Variants in NEURL3 observed in about 807,000 individuals in gnomAD.
NEURL3 encodes the protein neuralized E3 ubiquitin protein ligase 3.
NEURL3 carries 19 observed loss-of-function variants against 17.6 expected under a neutral mutation model. The observed-to-expected ratio is 1.08, with a 90% CI of 0.75 to 1.58. The LOEUF (loss-of-function observed/expected upper bound fraction) is 1.58. NEURL3 is among the 40% of genes most tolerant of loss of function. The probability of loss-of-function intolerance (pLI) is 0.00; values close to 1 mark genes in which losing one functional copy is unlikely to be tolerated. For synonymous variants in NEURL3, 180 were observed against 161.4 expected, an observed-to-expected ratio of 1.11 and a Z score of -0.87; for missense variants, 342 against 379.6, an observed-to-expected ratio of 0.90 and a Z score of 0.82.
upstream of NEURL3, among the ~76,000 whole-genome samples, chr2:96,507,455 C>T (rs900190858): frequency 5.3e-5 from 8 of 152,052 alleles, no homozygotes; most frequent in African/African-American, 1.9e-4. Context: ...AGAATGCTAC[C>T]GTTTTTGTTG....
rs1184689437 is a variant in NEURL3 at position 96,500,644 on chromosome 2, C to G, written c.309G>C (p.Glu103Asp). 2.4e-5 allele frequency: 36 copies of G among 1,519,198 alleles called. No individual in the cohort carries two copies. The highest frequency in any genetic ancestry group is 3.1e-5 in the Non-Finnish European group (35 of 1,140,320). 94.1% of individuals were successfully genotyped at this position (1,519,198 alleles called of 1,614,324 possible). ...LPPFLCPDLE[E>D]QSPTWAAVLP... is the part of the protein sequence containing the mutation. ...GCACGGCCGCCCACGTCGGGCTCTG[C>G]TCCTCCAGGTCGGGGCACAGGAAGG... The change falls in exon 2 of 4, where the codon GAG (glutamate) becomes GAC (aspartate). Residue 103 changes from glutamate (E) to aspartate (D), a missense_variant. By Grantham distance (45) the Glu-to-Asp change is conservative. Coordinates refer to ENST00000451794, the MANE Select transcript of NEURL3 (RefSeq NM_001285485.2).
In NEURL3 at chr2:96,497,880, T is replaced by G. The variant is rs1408577289; in HGVS notation, c.*364A>C. The G allele has an allele frequency of 5.0e-6, 1 of 200,148 alleles. No individual in the cohort carries two copies. The highest frequency in any genetic ancestry group is 1.0e-5 in the Non-Finnish European group (1 of 99,364). 12.4% of individuals were successfully genotyped at this position (200,148 alleles called of 1,614,324 possible). A position where few individuals can be genotyped will look rare whatever the true frequency, so the allele number is the denominator to read the frequency against. ...TTATACATTCCTTGCAGATACCTCC[T>G]GCTTCAAGTCCAGGTTCTTCAATAC... is the stretch of plus-strand genomic sequence containing the variant. On this transcript the variant is annotated 3_prime_UTR_variant, in exon 4 of 4. Transcript: ENST00000451794.
At chr2:96,504,850 C>G (rs2065546046) in intron 1 of NEURL3, 1 of 146,120 alleles carries the variant, frequency 6.8e-6, no homozygotes, top group South Asian at 1.6e-4. Flanking sequence ...TGCACTCCAG[C>G]CTGGGCAACA....
chr2:96,503,367 GTGCCGAGGGGACGTGGTGGC>G (rs1246630310), intron 1 of NEURL3, among the ~76,000 whole-genome samples: 2 of 152,154 alleles, frequency 1.3e-5, no homozygotes, highest in Non-Finnish European at 2.9e-5. Flanking sequence ...GGGCTGGTGG[GTGCCGAGGGGACGTGGTGGC>G]TGCACAGGTC....
At chr2:96,500,379 G>C (rs1169328599) in intron 2 of NEURL3, 60 bp downstream of exon 2, 1 of 1,586,282 alleles carries the variant, frequency 6.3e-7, no homozygotes, top group Non-Finnish European at 8.5e-7. Context: ...GATCGGTGTG[G>C]GGTGCCACTG....
At chr2:96,507,537 T>C (rs1300962931), upstream of NEURL3, among the ~76,000 whole-genome samples, 1 of 152,192 alleles carries the variant, frequency 6.6e-6, no homozygotes, top group Non-Finnish European at 1.5e-5. Context: ...CGATCTCGGC[T>C]CACTGCAACC....
rs927620065 is a variant in NEURL3, at chr2:96,500,722, G to T, written c.231C>A (p.Arg77=). 13 of 1,516,242 alleles carry T rather than the reference G, an allele frequency of 8.6e-6. No individual in the cohort carries two copies. The highest frequency in any genetic ancestry group is 1.1e-5 in the Non-Finnish European group (13 of 1,138,476). 93.9% of individuals were successfully genotyped at this position (1,516,242 alleles called of 1,614,324 possible). A position where few individuals can be genotyped will look rare whatever the true frequency, so the allele number is the denominator to read the frequency against. ...CGGGGTCCAGGCGCGTGAAGCCCACGCGGAGGCCGCCGCACCAGCCGCTCT... is the reference window on the plus strand; with the variant it reads ...CGGGGTCCAGGCGCGTGAAGCCCACTCGGAGGCCGCCGCACCAGCCGCTCT... ...REESGWCGGL[R]VGFTRLDPAC... Residue 77 remains arginine (R), a synonymous_variant, in exon 2 of 4, where the codon CGC becomes CGA. Coordinates refer to ENST00000451794, the MANE Select transcript of NEURL3 (RefSeq NM_001285485.2).
At chr2:96,500,329 G>A in intron 2 of NEURL3, 110 bp downstream of exon 2, 1 of 1,470,718 alleles carries the variant, frequency 6.8e-7, no homozygotes, top group Non-Finnish European at 9.2e-7. Context: ...GGCAGGGGCT[G>A]ATGGAATAAC....
chr2:96,506,495 C>T (rs2065561774), upstream of NEURL3, among the ~76,000 whole-genome samples: 1 of 152,250 alleles, frequency 6.6e-6, no homozygotes, highest in Non-Finnish European at 1.5e-5. Context: ...TGAGCCACCG[C>T]ACCTGGCCAA....
upstream of NEURL3, among the ~76,000 whole-genome samples, chr2:96,505,584 A>G (rs1395035436): frequency 2.6e-5 from 4 of 152,126 alleles, no homozygotes; most frequent in Non-Finnish European, 4.4e-5. Flanking sequence ...CTTCTGACCA[A>G]TCTCAAGCTG....
At position 96,498,501 on chromosome 2, in the gene NEURL3, G is replaced by A. The variant is rs1024474218; in HGVS notation, c.587-55C>T. The A allele has an allele frequency of 8.3e-6, 12 of 1,445,298 alleles. No individual in the cohort carries two copies. Among genetic ancestry groups the A allele is most frequent in the Admixed American group, 3.9e-5 (2 of 51,538 alleles). 89.5% of individuals were successfully genotyped at this position (1,445,298 alleles called of 1,614,324 possible). ...ACATGGGGGAAGGGGTGGGCAACCCGCTCACAATGTGACCACAGAGAATGA... is the reference window on the plus strand; with the variant it reads ...ACATGGGGGAAGGGGTGGGCAACCCACTCACAATGTGACCACAGAGAATGA... On this transcript the variant is annotated intron_variant, in intron 3 of 3. Transcript: ENST00000451794. The surrounding 1 kb of genome is among the most constrained non-coding windows in gnomAD (Gnocchi z 4.4).
Position 96,498,028 on chromosome 2 carries a change from AT to A in NEURL3, c.*215del. ...ACCCCATCAGAAGGATAGTTCTGGCATGGACAGAAAGAGGGGTTTTTCCTTG... is the reference window on the plus strand; with the variant it reads ...ACCCCATCAGAAGGATAGTTCTGGCAGGACAGAAAGAGGGGTTTTTCCTTG... On this transcript the variant is annotated 3_prime_UTR_variant, in exon 4 of 4. Coordinates refer to ENST00000451794, the MANE Select transcript of NEURL3 (RefSeq NM_001285485.2). This position sits in a 1 kb window ranked among gnomAD's most constrained non-coding sequence, Gnocchi z 4.4. The A allele has an allele frequency of 1.7e-6, 1 of 576,610 alleles. No homozygotes were observed. Among genetic ancestry groups the A allele is most frequent in the Non-Finnish European group, 3.1e-6 (1 of 326,070 alleles). The allele number at this position is 576,610 out of a possible 1,614,324, so 35.7% of individuals were successfully genotyped here.
intron 2 of NEURL3, 137 bp downstream of exon 2, chr2:96,500,302 C>A (rs1391628176): frequency 1.5e-6 from 2 of 1,319,384 alleles, no homozygotes; most frequent in Non-Finnish European, 2.1e-6. Flanking sequence ...CAGTGCCCAT[C>A]TTCACAGCTA....
chr2:96,499,170 A>T, intron 3 of NEURL3: 3 of 1,384,284 alleles, frequency 2.2e-6, no homozygotes, highest in Non-Finnish European at 2.8e-6. Flanking sequence ...TCTGTTCATA[A>T]AAGTGCTCTT....
chr2:96,503,886 T>G (rs1343452624), intron 1 of NEURL3, among the ~76,000 whole-genome samples: 2 of 152,202 alleles, frequency 1.3e-5, no homozygotes, highest in African/African-American at 2.4e-5. Context: ...GGCACAGGGT[T>G]CAGATCATCC....
chr2:96,500,534 C>G lies in NEURL3; in HGVS notation c.419G>C (p.Gly140Ala), dbSNP rs779036409. 2.0e-5 allele frequency: 31 copies of G among 1,575,074 alleles called. No individual in the cohort carries two copies. The highest frequency in any genetic ancestry group is 2.6e-5 in the Non-Finnish European group (30 of 1,169,220). ...RGCLFAKVNA[G>A]CRLLLREGVP... ...GCCCTCACGCAGCAGGAGCCGGCAG[C>G]CGGCGTTGACCTTGGCGAAGAGGCA... The change falls in exon 2 of 4, where the codon GGC (glycine) becomes GCC (alanine). Residue 140 changes from glycine to alanine, a missense_variant. Gly to Ala is a moderately conservative substitution (Grantham distance 60, BLOSUM62 0). Transcript: ENST00000451794.
chr2:96,498,967 A>T lies in NEURL3; in HGVS notation c.586+411T>A, dbSNP rs2065470947. The stretch of plus-strand genomic sequence containing the variant: ...TAATTTTTGTACTTTTTGTAGAGAC[A>T]GGGTTTCGCCATGTTGCCCAGGCTG... On this transcript the variant is annotated intron_variant, in intron 3 of 3. Transcript: ENST00000451794. The surrounding 1 kb of genome is among the most constrained non-coding windows in gnomAD (Gnocchi z 4.4). Among the ~76,000 whole-genome samples, 1 of 152,072 alleles carries T rather than the reference A, an allele frequency of 6.6e-6. No individual in the cohort carries two copies. Among genetic ancestry groups the T allele is most frequent in the African/African-American group, 2.4e-5 (1 of 41,408 alleles).
chr2:96,501,041 G>C (rs1221814868), intron 1 of NEURL3, 117 bp from the exon 2 acceptor site: 2 of 1,272,086 alleles, frequency 1.6e-6, no homozygotes, highest in African/African-American at 3.2e-5. Context: ...CCTTCCCCTA[G>C]GGACCATTTC....
At chr2:96,504,877 C>CAAAAAAAAAAACAAAAAA (rs2065546902) in intron 1 of NEURL3, among the ~76,000 whole-genome samples, 1 of 55,280 alleles carries the variant, frequency 1.8e-5, no homozygotes. Context: ...GACTCCGTCT[C>CAAAAAAAAAAACAAAAAA]AAAAAAAAAA....
Sources: gnomAD v4.1 joint callset for allele counts (sites outside exome capture counted in the v4.1 genomes callset) on GRCh38, gnomAD v4.1.1 for gene constraint, Gnocchi (gnomAD v3.1) non-coding constraint, MANE v1.5 for transcripts, NCBI Gene and HGNC (gene_info 2026-07-23, HGNC 2026-07-21) for gene names.